The following RGL1 variants were observed in gnomAD, a reference collection of about 807,000 sequenced individuals.
RGL1 encodes the protein ral guanine nucleotide dissociation stimulator-like 1.
RGL1 carries 24 observed loss-of-function variants against 95.2 expected under a neutral mutation model. The ratio of observed to expected loss-of-function variants is 0.25; its 90% CI spans 0.18 to 0.35. The LOEUF (loss-of-function observed/expected upper bound fraction) is 0.35. Ranked by LOEUF, RGL1 falls within the 10% of genes least tolerant of loss-of-function variation. RGL1 has a pLI of 1.00. For synonymous variants in RGL1, 329 were observed against 344.9 expected (o/e 0.95, Z 0.51); for missense variants, 715 against 936.3 (o/e 0.76, Z 3.08).
chr1:183,680,519 C>T (rs184158611), intron 1 of RGL1, among the ~76,000 whole-genome samples: 1 of 152,002 alleles, frequency 6.6e-6, no homozygotes, highest in East Asian at 1.9e-4. Context: ...GGCCTCTGTT[C>T]TGTTCCATTG....
chr1:183,904,811 G>C (rs1286959803), intron 12 of RGL1, 39 bp from the exon 13 acceptor site: 2 of 1,569,756 alleles, frequency 1.3e-6, no homozygotes, highest in Non-Finnish European at 1.7e-6. Flanking sequence ...TTATTATTCA[G>C]TCTTTTTTTT....
At chr1:183,897,657 A>T in intron 9 of RGL1, 151 bp from the exon 10 acceptor site, 1 of 573,288 alleles carries the variant, frequency 1.7e-6, no homozygotes, top group Non-Finnish European at 3.1e-6. Flanking sequence ...CATAATATAC[A>T]TCGTGAGAGC....
At chr1:183,642,676 G>A (rs1477503474) in intron 1 of RGL1, among the ~76,000 whole-genome samples, 1 of 152,022 alleles carries the variant, frequency 6.6e-6, no homozygotes, top group Non-Finnish European at 1.5e-5. Flanking sequence ...TCTGTATTTT[G>A]AGACTAGACA....
At chr1:183,830,505 A>G (rs1054044242) in intron 2 of RGL1, among the ~76,000 whole-genome samples, 1 of 152,168 alleles carries the variant, frequency 6.6e-6, no homozygotes, top group Non-Finnish European at 1.5e-5. Flanking sequence ...TCCCACTTGG[A>G]GTGGTAAAAA....
intron 1 of RGL1, chr1:183,647,773 G>A (rs1650401398): frequency 6.2e-7 from 1 of 1,614,138 alleles, no homozygotes; most frequent in East Asian, 2.2e-5. Context: ...CTTCCAGTGG[G>A]AAGCCTTCCA....
At chr1:183,916,408 T>C (rs763763494) in intron 15 of RGL1, 39 bp from the exon 16 acceptor site, 18 of 1,607,290 alleles carry the variant, frequency 1.1e-5, no homozygotes, top group Non-Finnish European at 1.4e-5. Context: ...TGGCCAGCGT[T>C]CTAATCTGTT....
chr1:183,776,934 G>A (rs191140874), intron 2 of RGL1, among the ~76,000 whole-genome samples: 14 of 152,314 alleles, frequency 9.2e-5, no homozygotes, highest in African/African-American at 3.4e-4. Context: ...ATGGAATGCT[G>A]TGGTTTCTGG....
intron 2 of RGL1, among the ~76,000 whole-genome samples, chr1:183,829,306 A>G (rs564471819): frequency 6.6e-6 from 1 of 152,156 alleles, no homozygotes; most frequent in African/African-American, 2.4e-5. Context: ...GCTGGGCACA[A>G]TGGTGTATAC....
intron 16 of RGL1, among the ~76,000 whole-genome samples, chr1:183,919,630 A>G (rs997086617): frequency 2.0e-5 from 3 of 152,212 alleles, no homozygotes; most frequent in East Asian, 1.9e-4. Flanking sequence ...AGAGACAGCA[A>G]TTAGCCCTTG....
chr1:183,682,536 T>C (rs1653289911), intron 1 of RGL1, among the ~76,000 whole-genome samples: 1 of 152,216 alleles, frequency 6.6e-6, no homozygotes, highest in African/African-American at 2.4e-5. Flanking sequence ...GAGAGACTGT[T>C]TTTTATGATT....
intron 2 of RGL1, among the ~76,000 whole-genome samples, chr1:183,763,643 C>G (rs1310840193): frequency 1.3e-5 from 2 of 152,204 alleles, no homozygotes; most frequent in Admixed American, 6.5e-5. Context: ...CAGAGACAGA[C>G]TGGCCATGAT....
chr1:183,714,252 TG>T (rs1655480962), intron 1 of RGL1, among the ~76,000 whole-genome samples: 1 of 152,230 alleles, frequency 6.6e-6, no homozygotes, highest in Non-Finnish European at 1.5e-5. Flanking sequence ...TCCATTTTTT[TG>T]CATTTGAATC....
In RGL1 at chr1:183,735,068, C is replaced by CTT. The variant is rs71130632; in HGVS notation, c.-32-7049_-32-7048dup. Among the ~76,000 whole-genome samples, 120 of 150,120 alleles carry CTT rather than the reference C, an allele frequency of 8.0e-4. 1 individual carries two copies. The East Asian group carries it at 0.011, about 13-fold the overall frequency. On this transcript the variant is annotated intron_variant, in intron 1 of 18. Coordinates refer to the RGL1 transcript ENST00000304685. Reference sequence around the variant, plus strand: ...TAGTACAAACCCACTCTGGATTTTTCTTTTTTTTTTAATTATTAAAAACTT... The same window carrying CTT: ...TAGTACAAACCCACTCTGGATTTTTCTTTTTTTTTTTTAATTATTAAAAACTT...
Position 183,907,032 on chromosome 1 carries a change from T to A in RGL1, c.1493T>A (p.Ile498Asn). The A allele has an allele frequency of 6.2e-7, 1 of 1,611,474 alleles. No homozygotes were observed. Among genetic ancestry groups the A allele is most frequent in the South Asian group, 1.1e-5 (1 of 90,802 alleles). The change falls in exon 14 of 18, where the codon ATT becomes AAT. Residue 498 changes from isoleucine to asparagine, a missense_variant. By Grantham distance (149) the Ile-to-Asn change is moderately radical. Transcript: ENST00000360851. ...EEESYALSCE[I>N]EAAADASTTS... ...CTCAGCTATGCCCTGTCATGTGAGA[T>A]TGAAGCAGCTGCTGACGCCAGCACC...
At chr1:183,872,892 A>G (rs1007841234) in intron 4 of RGL1, among the ~76,000 whole-genome samples, 4 of 152,232 alleles carry the variant, frequency 2.6e-5, no homozygotes, top group African/African-American at 7.2e-5. Flanking sequence ...ACTCCAATTT[A>G]GAAGAATTAA....
At chr1:183,644,910 A>G (rs1650180519) in intron 1 of RGL1, among the ~76,000 whole-genome samples, 1 of 152,218 alleles carries the variant, frequency 6.6e-6, no homozygotes, top group Middle Eastern at 3.2e-3. Context: ...TTCTAGTCAC[A>G]TAGAAAATCG....
intron 2 of RGL1, among the ~76,000 whole-genome samples, chr1:183,842,508 G>C (rs986331268): frequency 1.3e-5 from 2 of 151,998 alleles, no homozygotes; most frequent in Middle Eastern, 3.2e-3. Flanking sequence ...GAAATTACCT[G>C]GTAGGACACT....
At chr1:183,915,629 C>T (rs568708813) in intron 15 of RGL1, among the ~76,000 whole-genome samples, 138 of 152,332 alleles carry the variant, frequency 9.1e-4, no homozygotes, top group Non-Finnish European at 1.4e-3. Context: ...TTATTCTCCT[C>T]GTCTTTATAA....
At chr1:183,913,258 C>T (rs570440261) in intron 15 of RGL1, among the ~76,000 whole-genome samples, 2 of 120,750 alleles carry the variant, frequency 1.7e-5, no homozygotes, top group African/African-American at 3.2e-5. Context: ...TGCAGTGGTA[C>T]GATCTTGGCT....
Sources: gnomAD v4.1 joint callset for allele counts (sites outside exome capture counted in the v4.1 genomes callset) on GRCh38, gnomAD v4.1.1 for gene constraint, MANE v1.5 for transcripts, NCBI Gene and HGNC (gene_info 2026-07-23, HGNC 2026-07-21) for gene names.